The following ANKRD29 variants were observed in gnomAD, a reference collection of about 807,000 sequenced individuals.
ANKRD29 encodes ankyrin repeat domain 29.
A neutral mutation model predicts 38.0 loss-of-function variants in ANKRD29; 32 were observed. The observed-to-expected ratio is 0.84, with a 90% confidence interval of 0.64 to 1.13. The LOEUF is 1.13. Ranked by LOEUF, ANKRD29 falls within the 50% of genes most tolerant of loss-of-function variation. The pLI, the probability that ANKRD29 is intolerant of heterozygous loss-of-function variation, is 0.00. For missense variants in ANKRD29, 357 were observed against 377.9 expected, an observed-to-expected ratio of 0.94 and a Z score of 0.46; for synonymous variants, 135 against 152.4, an observed-to-expected ratio of 0.89 and a Z score of 0.84.
chr18:23,607,788 C>G (rs2059591535), intron 9 of ANKRD29, among the ~76,000 whole-genome samples: 1 of 152,298 alleles, frequency 6.6e-6, no homozygotes, highest in East Asian at 1.9e-4. Context: ...AGCATAGGCC[C>G]ATATTCATGA....
intron 1 of ANKRD29, among the ~76,000 whole-genome samples, chr18:23,652,762 G>T (rs1382985048): frequency 6.6e-5 from 10 of 152,178 alleles, no homozygotes; most frequent in Admixed American, 6.5e-4. Context: ...AAACCAAGGA[G>T]CTTCTCTCAG....
intron 2 of ANKRD29, chr18:23,647,379 A>G (rs1203554157): frequency 6.6e-6 from 1 of 152,226 alleles, no homozygotes; most frequent in Non-Finnish European, 1.5e-5. Flanking sequence ...CGATAATTCA[A>G]TGTTAGGCTG....
In ANKRD29 at chr18:23,638,875, C is replaced by G. The variant is rs1314239752; in HGVS notation, c.304G>C (p.Gly102Arg). Residue 102 changes from glycine to arginine, a missense_variant, in exon 4 of 10, where the codon GGA becomes CGA. Gly to Arg is a moderately radical substitution (Grantham distance 125). Coordinates refer to ENST00000592179, the MANE Select transcript of ANKRD29 (RefSeq NM_173505.4). ...TTGGTCCTAAATTCAGTGGATGCTC[C>G]AAATCCAAAGAGAAATCTCACGACA... Reference protein sequence around the residue: ...NDVVRFLFGFGASTEFRTKDG... With the variant: ...NDVVRFLFGFRASTEFRTKDG... The G allele has an allele frequency of 6.2e-7, 1 of 1,612,134 alleles. No individual in the cohort carries two copies. The highest frequency in any genetic ancestry group is 8.5e-7 in the Non-Finnish European group (1 of 1,179,516).
chr18:23,603,559 G>A (rs926157010), intron 9 of ANKRD29, among the ~76,000 whole-genome samples: 2 of 152,188 alleles, frequency 1.3e-5, no homozygotes, highest in Non-Finnish European at 2.9e-5. Context: ...CTTGAACCTG[G>A]GAGGCGGAGG....
chr18:23,649,944 G>T (rs533334181), intron 1 of ANKRD29, among the ~76,000 whole-genome samples: 1 of 152,162 alleles, frequency 6.6e-6, no homozygotes, highest in South Asian at 2.1e-4. Flanking sequence ...TGGCCAGGAT[G>T]GTCTTGTACT....
intron 9 of ANKRD29, among the ~76,000 whole-genome samples, chr18:23,609,582 G>A (rs2059615854): frequency 6.6e-6 from 1 of 152,148 alleles, no homozygotes; most frequent in African/African-American, 2.4e-5. Flanking sequence ...ACACTTGCTT[G>A]GATTCAGGAG....
At chr18:23,636,635 G>A (rs534225565) in intron 4 of ANKRD29, among the ~76,000 whole-genome samples, 22 of 151,930 alleles carry the variant, frequency 1.4e-4, no homozygotes, top group African/African-American at 5.1e-4. Context: ...GTGCAGTGGC[G>A]CAATCATGAC....
At chr18:23,602,392 C>A (rs1329051441) in intron 9 of ANKRD29, among the ~76,000 whole-genome samples, 1 of 152,012 alleles carries the variant, frequency 6.6e-6, no homozygotes, top group Non-Finnish European at 1.5e-5. Context: ...TAAGAGACAC[C>A]CGGGAAAGAA....
intron 9 of ANKRD29, among the ~76,000 whole-genome samples, chr18:23,601,886 C>T (rs1025239865): frequency 7.9e-5 from 12 of 151,694 alleles, no homozygotes; most frequent in East Asian, 3.9e-4. Flanking sequence ...TTGAACTCCT[C>T]GGTTTAAGTG....
At chr18:23,629,412 G>A (rs940884119) in intron 6 of ANKRD29, among the ~76,000 whole-genome samples, 8 of 152,234 alleles carry the variant, frequency 5.3e-5, no homozygotes, top group South Asian at 2.1e-4. Context: ...GATTCCAACG[G>A]CATGGGCTCC....
intron 1 of ANKRD29, among the ~76,000 whole-genome samples, chr18:23,656,519 A>T (rs938385618): frequency 6.6e-6 from 1 of 152,196 alleles, no homozygotes; most frequent in Non-Finnish European, 1.5e-5. Flanking sequence ...ACAAAACATA[A>T]CATCCTGTCA....
intron 1 of ANKRD29, among the ~76,000 whole-genome samples, chr18:23,654,764 C>T (rs1283361216): frequency 6.6e-6 from 1 of 151,932 alleles, no homozygotes; most frequent in African/African-American, 2.4e-5. Flanking sequence ...CTTCCATTTA[C>T]TGTCAGAATT....
intron 4 of ANKRD29, among the ~76,000 whole-genome samples, chr18:23,638,551 C>T (rs941121033): frequency 5.9e-5 from 9 of 152,186 alleles, no homozygotes; most frequent in African/African-American, 2.2e-4. Context: ...CTACTGTATC[C>T]CTCCTGGTTA....
At chr18:23,659,611 C>T (rs1327823303) in intron 1 of ANKRD29, among the ~76,000 whole-genome samples, 3 of 151,734 alleles carry the variant, frequency 2.0e-5, no homozygotes, top group Admixed American at 6.6e-5. Flanking sequence ...GGCATGGTGG[C>T]GCATGCCTGT....
chr18:23,601,529 C>A (rs1019352916), intron 9 of ANKRD29, among the ~76,000 whole-genome samples: 1 of 152,122 alleles, frequency 6.6e-6, no homozygotes, highest in Non-Finnish European at 1.5e-5. Context: ...CAGCCAGATC[C>A]CTTACTAGAC....
chr18:23,603,029 G>A (rs535147210), intron 9 of ANKRD29, among the ~76,000 whole-genome samples: 20 of 152,262 alleles, frequency 1.3e-4, no homozygotes, highest in Admixed American at 5.9e-4. Context: ...TTTGGTAGAA[G>A]GATATAAAGA....
intron 1 of ANKRD29, among the ~76,000 whole-genome samples, chr18:23,655,392 G>A (rs765194099): frequency 1.3e-5 from 2 of 151,840 alleles, no homozygotes; most frequent in East Asian, 3.9e-4. Context: ...ACCTGGCTGG[G>A]GTATAGTATC....
intron 3 of ANKRD29, among the ~76,000 whole-genome samples, chr18:23,642,857 T>C (rs1173655110): frequency 6.6e-6 from 1 of 152,190 alleles, no homozygotes; most frequent in East Asian, 1.9e-4. Context: ...AAGGTGGAGA[T>C]TTAAAATGCT....
intron 4 of ANKRD29, among the ~76,000 whole-genome samples, chr18:23,637,138 A>G (rs549430671): frequency 5.3e-5 from 8 of 152,364 alleles, no homozygotes; most frequent in African/African-American, 1.9e-4. Flanking sequence ...TTAACCAAGA[A>G]GACTGAAGCA....
Sources: allele counts gnomAD v4.1 joint callset (sites outside exome capture counted in the v4.1 genomes callset), GRCh38; gene constraint gnomAD v4.1.1; transcripts MANE v1.5; gene names NCBI Gene and HGNC (gene_info 2026-07-23, HGNC 2026-07-21).